Variants in AKAP10 observed in about 807,000 individuals in gnomAD.
AKAP10 encodes A-kinase anchoring protein 10, also known as A-kinase anchor protein 10, mitochondrial.
Under a neutral mutation model 80.8 loss-of-function variants are expected in AKAP10, and 24 were observed. The observed-to-expected ratio is 0.30, with a 90% CI of 0.22 to 0.42. AKAP10 has a LOEUF of 0.42. Among genes scored for constraint, AKAP10 ranks in the 10% least tolerant of loss-of-function variants. The pLI, the probability that AKAP10 is intolerant of heterozygous loss-of-function variation, is 1.00. For synonymous variants in AKAP10, 291 were observed against 277.7 expected, an observed-to-expected ratio of 1.05 and a Z score of -0.48; for missense variants, 661 against 794.9, an observed-to-expected ratio of 0.83 and a Z score of 2.03.
rs1370097355 is a variant in AKAP10 at position 19,941,818 on chromosome 17, T to A, written c.1061+8A>T. On this transcript the variant is annotated splice_region_variant and intron_variant, in intron 6 of 14. Transcript: ENST00000225737. Reference sequence around the variant, plus strand: ...GGATGCACAATGTGAAAATATGAACTAACTTACTCTTGCTCCATTGCACTA... The same window carrying A: ...GGATGCACAATGTGAAAATATGAACAAACTTACTCTTGCTCCATTGCACTA... 6.4e-7 allele frequency: 1 copy of A among 1,564,028 alleles called. No individual in the cohort carries two copies. The highest frequency in any genetic ancestry group is 1.4e-5 in the African/African-American group (1 of 73,706).
intron 10 of AKAP10, among the ~76,000 whole-genome samples, chr17:19,931,534 G>A (rs981417882): frequency 2.0e-5 from 3 of 151,884 alleles, no homozygotes; most frequent in African/African-American, 7.3e-5. Flanking sequence ...AGGATTACAG[G>A]TGCCTGCCAC....
At chr17:19,958,765 G>C (rs555416613) in intron 3 of AKAP10, among the ~76,000 whole-genome samples, 194 bp from the exon 4 acceptor site, 1 of 150,134 alleles carries the variant, frequency 6.7e-6, no homozygotes, top group African/African-American at 2.4e-5. Flanking sequence ...TCCAAAACTT[G>C]CCTAAATTAT....
chr17:19,912,367 T>C (rs1318747598), intron 12 of AKAP10, among the ~76,000 whole-genome samples: 1 of 152,090 alleles, frequency 6.6e-6, no homozygotes, highest in African/African-American at 2.4e-5. Flanking sequence ...TGAAACCCCA[T>C]CTCTACTAAA....
At chr17:19,913,877 A>T (rs1232031852) in intron 12 of AKAP10, among the ~76,000 whole-genome samples, 1 of 152,208 alleles carries the variant, frequency 6.6e-6, no homozygotes, top group Non-Finnish European at 1.5e-5. Context: ...TTCAGTCAAT[A>T]AATATTTAAG....
At position 19,904,906 on chromosome 17, in the gene AKAP10, C is replaced by T. The variant is rs964792975; in HGVS notation, c.*1321G>A. ...CTTACACAAAGCCTTTTTGCTTCTT[C>T]TGTCGATGAAACAGTGTGCCTCTAT... On this transcript the variant is annotated 3_prime_UTR_variant, in exon 15 of 15. Coordinates refer to ENST00000225737, the MANE Select transcript of AKAP10 (RefSeq NM_007202.4). 24 of 151,848 alleles carry T rather than the reference C, an allele frequency of 1.6e-4. No homozygotes were observed. The highest frequency in any genetic ancestry group is 3.1e-4 in the Non-Finnish European group (21 of 67,980). 9.4% of individuals were successfully genotyped at this position (151,848 alleles called of 1,614,324 possible). A position where few individuals can be genotyped will look rare whatever the true frequency, so the allele number is the denominator to read the frequency against.
intron 5 of AKAP10, among the ~76,000 whole-genome samples, chr17:19,946,271 ATATATTTTTTTTTT>A (rs2043127382): frequency 4.3e-4 from 10 of 23,356 alleles, no homozygotes; most frequent in Admixed American, 8.7e-4. Flanking sequence ...ATATATATAT[ATATATTTTTTTTTT>A]TTTTTTTTTT....
intron 12 of AKAP10, among the ~76,000 whole-genome samples, chr17:19,911,381 C>T (rs1186856621): frequency 6.6e-6 from 1 of 152,150 alleles, no homozygotes; most frequent in African/African-American, 2.4e-5. Context: ...TCCGACCTTC[C>T]CTCTAATTCT....
At chr17:19,949,768 CA>C (rs1030981596) in intron 4 of AKAP10, among the ~76,000 whole-genome samples, 6 of 73,000 alleles carry the variant, frequency 8.2e-5, no homozygotes, top group South Asian at 5.3e-4. Context: ...GACTCTGTCT[CA>C]AAAAAAAAAG....
intron 10 of AKAP10, 111 bp downstream of exon 10, chr17:19,931,694 A>T: frequency 7.6e-7 from 1 of 1,318,158 alleles, no homozygotes; most frequent in Non-Finnish European, 1.0e-6. Context: ...CCTGGCTTTT[A>T]TCTTTTTTTT....
At chr17:19,975,711 A>G (rs1167509575) in intron 1 of AKAP10, among the ~76,000 whole-genome samples, 1 of 152,180 alleles carries the variant, frequency 6.6e-6, no homozygotes, top group Non-Finnish European at 1.5e-5. Flanking sequence ...CCATGGGTGC[A>G]GGGACATTCT....
chr17:19,954,790 GC>G (rs2043255337), intron 4 of AKAP10, among the ~76,000 whole-genome samples: 1 of 151,810 alleles, frequency 6.6e-6, no homozygotes, highest in Non-Finnish European at 1.5e-5. Flanking sequence ...ATGGCACCTG[GC>G]CAACCACAAT....
rs1311595897 is a variant in AKAP10 at position 19,946,267 on chromosome 17, A to AT, written c.976+1139dup. 2.6e-3 allele frequency among the ~76,000 whole-genome samples: 71 copies of AT among 27,064 alleles called. 5 individuals are homozygous for AT. The highest frequency in any genetic ancestry group is 0.026 in the Admixed American group (38 of 1,488). The allele number at this position is 27,064 out of a possible 152,430, so 17.8% of individuals were successfully genotyped here. A position where few individuals can be genotyped will look rare whatever the true frequency, so the allele number is the denominator to read the frequency against. ...TATATATATATATATATATATATAT[A>AT]TATATATATTTTTTTTTTTTTTTTT... is the stretch of plus-strand genomic sequence containing the variant. On this transcript the variant is annotated intron_variant, in intron 5 of 14. Transcript: ENST00000225737.
chr17:19,931,769 CTTT>C, intron 10 of AKAP10, 33 bp downstream of exon 10: 1 of 1,582,972 alleles, frequency 6.3e-7, no homozygotes, highest in East Asian at 2.3e-5. Context: ...GATGTGTATG[CTTT>C]TCTCCCTAAT....
intron 3 of AKAP10, among the ~76,000 whole-genome samples, 155 bp from the exon 4 acceptor site, chr17:19,958,726 G>A: frequency 6.6e-6 from 1 of 151,430 alleles, no homozygotes; most frequent in East Asian, 1.9e-4. Flanking sequence ...CAAATACTAT[G>A]CTTTTGGTTT....
At chr17:19,962,050 A>C (rs1008523240) in intron 3 of AKAP10, among the ~76,000 whole-genome samples, 18 of 152,152 alleles carry the variant, frequency 1.2e-4, no homozygotes, top group African/African-American at 3.9e-4. Flanking sequence ...CAGGAGGTGA[A>C]GGCTGCAGTG....
intron 12 of AKAP10, among the ~76,000 whole-genome samples, chr17:19,915,622 T>C (rs1050750269): frequency 6.6e-6 from 1 of 152,218 alleles, no homozygotes; most frequent in Non-Finnish European, 1.5e-5. Flanking sequence ...TTTATTAGTT[T>C]ATGTGGGCAT....
chr17:19,958,454 C>T lies in AKAP10; in HGVS notation c.437G>A (p.Arg146Gln), dbSNP rs559461703. The T allele has an allele frequency of 4.3e-6, 7 of 1,614,074 alleles. No homozygotes were observed. Among genetic ancestry groups the T allele is most frequent in the East Asian group, 2.2e-5 (1 of 44,882 alleles). ...AAATTTCACCAAATGCTCCATTCGC[C>T]GAAGTTCCATGAATTGAATGAAGTA... Reference protein sequence around the residue: ...LPYFIQFMELRRMEHLVKFWL... With the variant: ...LPYFIQFMELQRMEHLVKFWL... Residue 146 changes from arginine (R) to glutamine (Q), a missense_variant, in exon 4 of 15, where the codon CGG becomes CAG. Arg to Gln is a conservative substitution (Grantham distance 43). Transcript: ENST00000225737.
intron 4 of AKAP10, among the ~76,000 whole-genome samples, chr17:19,953,496 T>C (rs972796020): frequency 4.6e-5 from 7 of 152,086 alleles, no homozygotes; most frequent in Non-Finnish European, 8.8e-5. Flanking sequence ...TAAATCCCTA[T>C]ACAATCTGAC....
intron 5 of AKAP10, among the ~76,000 whole-genome samples, chr17:19,946,247 A>ATATATAT (rs1567765621): frequency 6.6e-5 from 1 of 15,154 alleles, no homozygotes; most frequent in Non-Finnish European, 1.1e-4. Flanking sequence ...TTATATATAT[A>ATATATAT]TATATATATA....
Sources: gnomAD v4.1 joint callset for allele counts (sites outside exome capture counted in the v4.1 genomes callset) on GRCh38, gnomAD v4.1.1 for gene constraint, MANE v1.5 for transcripts, NCBI Gene and HGNC (gene_info 2026-07-23, HGNC 2026-07-21) for gene names.